The following DPH6 variants were observed in gnomAD, a reference collection of about 807,000 sequenced individuals.
DPH6 encodes diphthine--ammonia ligase.
Under a neutral mutation model 38.2 loss-of-function variants are expected in DPH6, and 33 were observed. The observed-to-expected ratio is 0.86, with a 90% CI of 0.65 to 1.15. DPH6 has a LOEUF of 1.15. Ranked by LOEUF, DPH6 falls within the 50% of genes most tolerant of loss-of-function variation. The pLI, the probability that DPH6 is intolerant of heterozygous loss-of-function variation, is 0.00. For synonymous variants in DPH6, 108 were observed against 103.0 expected, an observed-to-expected ratio of 1.05 and a Z score of -0.30; for missense variants, 325 against 320.0, an observed-to-expected ratio of 1.02 and a Z score of -0.12.
chr15:35,542,237 T>C lies in DPH6; in HGVS notation c.118+176A>G, dbSNP rs79389254. Among the ~76,000 whole-genome samples the C allele has an allele frequency of 7.9e-3, 1,203 of 152,232 alleles. 30 individuals are homozygous for C. The highest frequency in any genetic ancestry group is 0.028 in the African/African-American group (1,146 of 41,562). On this transcript the variant is annotated intron_variant, in intron 2 of 8. Coordinates refer to ENST00000256538, the MANE Select transcript of DPH6 (RefSeq NM_080650.4). The stretch of plus-strand genomic sequence containing the variant: ...CTCTATAGAAGTTGGTTATGAGAAT[T>C]AAAAAGTAAGTGAAAACACTTAATG...
chr15:35,342,586 T>C (rs1025190657), intron 3 of DPH6, among the ~76,000 whole-genome samples: 2 of 152,238 alleles, frequency 1.3e-5, no homozygotes, highest in Non-Finnish European at 1.5e-5. Context: ...GATGGTGCCA[T>C]GGACTGCAGC....
the DPH6 span, among the ~76,000 whole-genome samples, chr15:35,187,241 T>C: frequency 6.6e-6 from 1 of 152,224 alleles, no homozygotes; most frequent in South Asian, 2.1e-4. Context: ...GTGGGCATGA[T>C]TATCCTCATT....
chr15:35,290,317 C>T (rs924444492), intron 3 of DPH6, among the ~76,000 whole-genome samples: 5 of 152,170 alleles, frequency 3.3e-5, no homozygotes, highest in South Asian at 4.1e-4. Context: ...AGGAATATGA[C>T]GATGTGAACA....
intron 3 of DPH6, among the ~76,000 whole-genome samples, chr15:35,483,205 C>A (rs530014492): frequency 3.9e-5 from 6 of 151,940 alleles, no homozygotes; most frequent in Admixed American, 1.3e-4. Context: ...GTGGTTCATG[C>A]CTGTAATCCC....
chr15:35,206,413 A>T, the DPH6 span, among the ~76,000 whole-genome samples: 1 of 152,196 alleles, frequency 6.6e-6, no homozygotes, highest in Non-Finnish European at 1.5e-5. Flanking sequence ...GTAGAAATTT[A>T]TGCAAGAGGC....
intron 3 of DPH6, among the ~76,000 whole-genome samples, chr15:35,236,445 G>A (rs2017644): frequency 2.0e-5 from 3 of 151,540 alleles, no homozygotes; most frequent in Non-Finnish European, 2.9e-5. Flanking sequence ...GAGACCATCC[G>A]GGCTAACACG....
chr15:35,511,342 A>G (rs2054767293), intron 3 of DPH6, among the ~76,000 whole-genome samples: 1 of 152,176 alleles, frequency 6.6e-6, no homozygotes, highest in African/African-American at 2.4e-5. Flanking sequence ...TTAAGCGTTT[A>G]AATTGGATCT....
chr15:35,186,555 T>G, the DPH6 span, among the ~76,000 whole-genome samples: 5,827 of 152,242 alleles, frequency 0.038, 117 homozygotes, highest in Middle Eastern at 0.048. Context: ...TGCTAGCTCT[T>G]CTCTGGAATT....
intron 4 of DPH6, among the ~76,000 whole-genome samples, chr15:35,454,233 G>C (rs1429803831): frequency 6.6e-6 from 1 of 152,082 alleles, no homozygotes; most frequent in Non-Finnish European, 1.5e-5. Flanking sequence ...GACGGGCTAG[G>C]ACGAGGGGAG....
chr15:35,379,872 T>C (rs1180559369), intron 7 of DPH6, among the ~76,000 whole-genome samples: 2 of 152,076 alleles, frequency 1.3e-5, no homozygotes, highest in Non-Finnish European at 2.9e-5. Context: ...GAACAAGCAC[T>C]GGAGGCAATG....
chr15:35,465,994 T>C (rs1566920449), intron 3 of DPH6, among the ~76,000 whole-genome samples: 1 of 152,204 alleles, frequency 6.6e-6, no homozygotes, highest in Admixed American at 6.5e-5. Context: ...AGTCTAGCAC[T>C]ACAGTTGTTT....
chr15:35,397,859 T>TTATATATATATA (rs60188110), intron 6 of DPH6, among the ~76,000 whole-genome samples: 3,453 of 112,500 alleles, frequency 0.031, 211 homozygotes, highest in African/African-American at 0.12. Flanking sequence ...TGGAATCAAT[T>TTATATATATATA]TATATATATA....
intron 3 of DPH6, among the ~76,000 whole-genome samples, chr15:35,227,891 T>C (rs2051493182): frequency 6.6e-6 from 1 of 152,160 alleles, no homozygotes; most frequent in Non-Finnish European, 1.5e-5. Context: ...CCATTGATCA[T>C]TTGTGAGCAT....
intron 6 of DPH6, among the ~76,000 whole-genome samples, chr15:35,389,580 G>C (rs1342275806): frequency 2.6e-5 from 4 of 152,130 alleles, no homozygotes; most frequent in African/African-American, 4.8e-5. Flanking sequence ...GAATTGATCT[G>C]TTTACCATTC....
At chr15:35,483,279 C>T (rs754750222) in intron 3 of DPH6, among the ~76,000 whole-genome samples, 1 of 151,922 alleles carries the variant, frequency 6.6e-6, no homozygotes, top group African/African-American at 2.4e-5. Flanking sequence ...GCCTAACCAA[C>T]ATGGTGAAAC....
intron 3 of DPH6, among the ~76,000 whole-genome samples, chr15:35,266,166 AT>A: frequency 6.6e-6 from 1 of 152,316 alleles, no homozygotes; most frequent in South Asian, 2.1e-4. Flanking sequence ...CTATTCAGTA[AT>A]GCTTCGTATT....
At chr15:35,413,616 A>T (rs2053398213) in intron 5 of DPH6, among the ~76,000 whole-genome samples, 1 of 151,498 alleles carries the variant, frequency 6.6e-6, no homozygotes, top group Admixed American at 6.6e-5. Flanking sequence ...TTTTGCTAAT[A>T]TCTTTCTTAT....
chr15:35,445,686 C>A (rs569802129), intron 5 of DPH6, among the ~76,000 whole-genome samples: 2 of 152,170 alleles, frequency 1.3e-5, no homozygotes, highest in East Asian at 3.9e-4. Context: ...TGAAATTTAT[C>A]AAAACACGCA....
intron 3 of DPH6, among the ~76,000 whole-genome samples, chr15:35,279,899 G>A (rs2051887285): frequency 6.6e-6 from 1 of 152,144 alleles, no homozygotes; most frequent in African/African-American, 2.4e-5. Context: ...AAGGTTAAAT[G>A]AAGTCATAAA....
Sources: allele counts gnomAD v4.1 joint callset (sites outside exome capture counted in the v4.1 genomes callset), GRCh38; gene constraint gnomAD v4.1.1; transcripts MANE v1.5; gene names NCBI Gene and HGNC (gene_info 2026-07-23, HGNC 2026-07-21).